The following RYR1 variants were observed in gnomAD, a reference collection of about 807,000 sequenced individuals.
RYR1 encodes the protein central core disease of muscle.
Under a neutral mutation model 583.5 loss-of-function variants are expected in RYR1, and 342 were observed. That is an observed-to-expected ratio of 0.59 (90% confidence interval 0.54 to 0.64). The LOEUF is 0.64. Ranked by LOEUF, RYR1 falls within the 30% of genes least tolerant of loss-of-function variation. RYR1 has a pLI of 0.00. For missense variants in RYR1, 6,032 were observed against 6,917.2 expected, an observed-to-expected ratio of 0.87 and a Z score of 4.54; for synonymous variants, 2,791 against 2,822.5, an observed-to-expected ratio of 0.99 and a Z score of 0.35.
intron 35 of RYR1, 103 bp from the exon 36 acceptor site, chr19:38,489,973 C>A: frequency 8.1e-7 from 1 of 1,232,362 alleles, no homozygotes; most frequent in Non-Finnish European, 1.2e-6. Context: ...TTTGGCTGGA[C>A]CTGGGCAGGG....
At chr19:38,571,553 C>T (rs565241376) in intron 94 of RYR1, among the ~76,000 whole-genome samples, 228 of 152,234 alleles carry the variant, frequency 1.5e-3, no homozygotes, top group African/African-American at 5.4e-3. Context: ...AGTAGAATCC[C>T]TTGAACCCAG....
chr19:38,478,679 G>T, intron 31 of RYR1, 79 bp downstream of exon 31: 3 of 1,539,986 alleles, frequency 1.9e-6, no homozygotes, highest in Non-Finnish European at 2.7e-6. Flanking sequence ...GTCCCCTGAG[G>T]CCAGACCTCA....
At chr19:38,464,156 A>C (rs1224454884) in intron 22 of RYR1, among the ~76,000 whole-genome samples, 1 of 151,834 alleles carries the variant, frequency 6.6e-6, no homozygotes, top group Non-Finnish European at 1.5e-5. Flanking sequence ...GCACCTCTGT[A>C]ATCCCAGCTC....
intron 69 of RYR1, 152 bp from the exon 70 acceptor site, chr19:38,523,763 C>G (rs898747103): frequency 1.9e-5 from 18 of 959,084 alleles, no homozygotes; most frequent in Non-Finnish European, 2.8e-5. Flanking sequence ...AACGACCCCC[C>G]ACCCCGAGCC....
At chr19:38,470,251 C>CA (rs200592601) in intron 27 of RYR1, among the ~76,000 whole-genome samples, 111 of 149,886 alleles carry the variant, frequency 7.4e-4, no homozygotes, top group African/African-American at 2.6e-3. Flanking sequence ...GACCCTATCT[C>CA]AAAAAAAAAT....
intron 11 of RYR1, among the ~76,000 whole-genome samples, chr19:38,450,326 G>A (rs1967009405): frequency 6.6e-6 from 1 of 152,136 alleles, no homozygotes; most frequent in Non-Finnish European, 1.5e-5. Flanking sequence ...TGGGGTGAGA[G>A]AAGGGGAGGG....
intron 39 of RYR1, 141 bp downstream of exon 39, chr19:38,494,766 G>A: frequency 9.7e-7 from 1 of 1,033,690 alleles, no homozygotes; most frequent in Non-Finnish European, 1.4e-6. Context: ...CACCTCCTGG[G>A]TAATGTCTCC....
At chr19:38,467,551 G>C in intron 24 of RYR1, 59 bp from the exon 25 acceptor site, 1 of 1,576,754 alleles carries the variant, frequency 6.3e-7, no homozygotes, top group Non-Finnish European at 8.7e-7. Context: ...CCAACTTCTC[G>C]ATGTCTTGGG....
rs535386378 is a variant in RYR1, at chr19:38,586,141, G to A, written c.14919G>A (p.Pro4973=). ...GCAGTGACTACTTTGATACGACACC[G>A]CATGGCTTCGAGACTCACACGCTGG... ...GIGSDYFDTT[P]HGFETHTLEE... The change falls in exon 104 of 106, where the codon CCG becomes CCA. Residue 4973 remains proline (P), a synonymous_variant. Coordinates refer to ENST00000359596, the MANE Select transcript of RYR1 (RefSeq NM_000540.3). 1.0e-4 allele frequency: 161 copies of A among 1,614,074 alleles called. 1 individual carries two copies. In the South Asian group the frequency reaches 1.2e-3, roughly 12 times the overall value.
intron 89 of RYR1, among the ~76,000 whole-genome samples, chr19:38,556,218 C>T (rs908054186): frequency 1.5e-4 from 23 of 151,798 alleles, no homozygotes; most frequent in African/African-American, 4.8e-4. Context: ...CATGGTGGCT[C>T]GTGCCTGTAA....
intron 102 of RYR1, among the ~76,000 whole-genome samples, chr19:38,585,369 GATAT>G (rs3039200): frequency 7.1e-6 from 1 of 141,064 alleles, no homozygotes; most frequent in African/African-American, 2.6e-5. Context: ...AAAGGCCTGA[GATAT>G]ATATATATAT....
rs780145264 is a variant in RYR1 at position 38,466,234 on chromosome 19, G to A, written c.3014G>A (p.Ser1005Asn). ...CGAGACCGCGTGGGCCAGGGCTGGA[G>A]CTACAGCGCAGTGCAGGACATCCCA... ...WARDRVGQGW[S>N]YSAVQDIPAR... is the part of the protein sequence containing the mutation. Residue 1005 changes from serine to asparagine, a missense_variant, in exon 24 of 106, where the codon AGC becomes AAC. By Grantham distance (46) the Ser-to-Asn change is conservative. This residue lies in a region of RYR1 where 2,627 missense variants were observed against 2,961.3 expected (regional missense o/e 0.89). Transcript: ENST00000359596. The A allele has an allele frequency of 3.1e-6, 5 of 1,613,324 alleles. No homozygotes were observed. Among genetic ancestry groups the A allele is most frequent in the Non-Finnish European group, 8.5e-7 (1 of 1,179,966 alleles).
chr19:38,472,801 A>C (rs958015485), intron 27 of RYR1, among the ~76,000 whole-genome samples: 4 of 146,370 alleles, frequency 2.7e-5, no homozygotes, highest in Non-Finnish European at 5.9e-5. Flanking sequence ...ACACCATTGC[A>C]CTCCAGCCTG....
chr19:38,457,235 C>G (rs1600681695), intron 16 of RYR1, among the ~76,000 whole-genome samples: 1 of 152,010 alleles, frequency 6.6e-6, no homozygotes, highest in African/African-American at 2.4e-5. Context: ...CCTCACTACT[C>G]CAGTATCTCC....
intron 21 of RYR1, 86 bp downstream of exon 21, chr19:38,463,613 G>A: frequency 6.7e-7 from 1 of 1,481,544 alleles, no homozygotes; most frequent in East Asian, 2.3e-5. Context: ...GAGGAGGGAG[G>A]GACCACAGGG....
intron 105 of RYR1, among the ~76,000 whole-genome samples, chr19:38,586,980 G>C (rs1974520318): frequency 6.6e-6 from 1 of 151,940 alleles, no homozygotes; most frequent in Non-Finnish European, 1.5e-5. Flanking sequence ...CAAAAAAAAT[G>C]GGTTTGGGCT....
At chr19:38,506,181 AG>A (rs1970438879) in intron 54 of RYR1, 121 bp from the exon 55 acceptor site, 5 of 1,002,834 alleles carry the variant, frequency 5.0e-6, no homozygotes, top group Admixed American at 2.1e-5. Context: ...GGAAAGGACA[AG>A]GGGTCTTGAG....
chr19:38,585,122 C>A (rs557854698), intron 102 of RYR1, 23 bp downstream of exon 102: 1 of 1,612,152 alleles, frequency 6.2e-7, no homozygotes, highest in African/African-American at 1.3e-5. Context: ...AGTGGGCGCT[C>A]AGGGCCCGGA....
chr19:38,569,552 CAAAAA>C (rs148980907), intron 93 of RYR1, among the ~76,000 whole-genome samples: 1 of 139,986 alleles, frequency 7.1e-6, no homozygotes. Context: ...GACCTTGACT[CAAAAA>C]AAAAAAAAAT....
Sources: allele counts gnomAD v4.1 joint callset (sites outside exome capture counted in the v4.1 genomes callset), GRCh38; gene constraint gnomAD v4.1.1; regional missense constraint gnomAD v4.1.1; transcripts MANE v1.5; gene names NCBI Gene and HGNC (gene_info 2026-07-23, HGNC 2026-07-21).